FRAS1: variants seen among roughly 807,000 people sequenced by gnomAD.
FRAS1 encodes extracellular matrix organizing protein FRAS1.
FRAS1 carries 290 observed loss-of-function variants against 435.2 expected under a neutral mutation model. The ratio of observed to expected loss-of-function variants is 0.67; its 90% confidence interval spans 0.61 to 0.73. The LOEUF (loss-of-function observed/expected upper bound fraction) is 0.73. Ranked by LOEUF, FRAS1 falls within the 30% of genes least tolerant of loss-of-function variation. FRAS1 has a pLI of 0.00. For synonymous variants in FRAS1, 1,800 were observed against 1,851.0 expected, an observed-to-expected ratio of 0.97 and a Z score of 0.71; for missense variants, 4,860 against 5,001.5, an observed-to-expected ratio of 0.97 and a Z score of 0.85.
intron 64 of FRAS1, 137 bp downstream of exon 64, chr4:78,511,643 A>T (rs1721045460): frequency 5.2e-6 from 4 of 770,262 alleles, no homozygotes; most frequent in Non-Finnish European, 8.9e-6. Context: ...TAAAAGTTTA[A>T]ATCTGTGAAG....
At chr4:78,096,843 C>T (rs945370787) in intron 2 of FRAS1, among the ~76,000 whole-genome samples, 2 of 152,242 alleles carry the variant, frequency 1.3e-5, no homozygotes, top group Non-Finnish European at 2.9e-5. Flanking sequence ...GCCCTGGAGA[C>T]ATCTTCCCCA....
At chr4:78,365,575 C>A (rs1390722842) in intron 22 of FRAS1, among the ~76,000 whole-genome samples, 9 of 151,982 alleles carry the variant, frequency 5.9e-5, no homozygotes, top group Admixed American at 5.2e-4. Flanking sequence ...TGTCTTGGGG[C>A]AGGGTGGCCT....
chr4:78,193,316 T>C (rs1291512943), intron 2 of FRAS1, among the ~76,000 whole-genome samples: 7 of 152,226 alleles, frequency 4.6e-5, no homozygotes, highest in Non-Finnish European at 8.8e-5. Context: ...GTTCAATTCC[T>C]GGATATGCTT....
At chr4:78,292,212 T>G (rs532942873) in intron 14 of FRAS1, among the ~76,000 whole-genome samples, 1 of 152,332 alleles carries the variant, frequency 6.6e-6, no homozygotes, top group East Asian at 1.9e-4. Context: ...AAATAAAATC[T>G]GCTTTTATAT....
intron 2 of FRAS1, among the ~76,000 whole-genome samples, chr4:78,099,372 G>A (rs1255017457): frequency 1.3e-5 from 2 of 152,220 alleles, no homozygotes; most frequent in Non-Finnish European, 2.9e-5. Flanking sequence ...TCATTAGGGA[G>A]TGACAGCAGG....
chr4:78,154,611 T>C (rs2110015871), intron 2 of FRAS1, among the ~76,000 whole-genome samples: 2 of 152,278 alleles, frequency 1.3e-5, no homozygotes, highest in South Asian at 4.1e-4. Context: ...AAGTGTTACG[T>C]TTCTTTTTAG....
At chr4:78,520,904 G>A (rs556766369) in intron 67 of FRAS1, among the ~76,000 whole-genome samples, 1 of 152,306 alleles carries the variant, frequency 6.6e-6, no homozygotes, top group South Asian at 2.1e-4. Context: ...CTCTGGGTCA[G>A]ATAATTCCTT....
chr4:78,540,996 T>C lies in FRAS1; in HGVS notation c.11911T>C (p.Cys3971Arg). Residue 3971 changes from cysteine to arginine, a missense_variant, in exon 74 of 74, where the codon TGC (cysteine) becomes CGC (arginine). Coordinates refer to ENST00000512123, the MANE Select transcript of FRAS1 (RefSeq NM_025074.7). ...RVEKNVNRHY[C>R]TVRNVNILSE... ...GGAGAAGAACGTGAATAGACACTACTGCACTGTGCGGAACGTCAACATCCT... is the reference window on the plus strand; with the variant it reads ...GGAGAAGAACGTGAATAGACACTACCGCACTGTGCGGAACGTCAACATCCT... The C allele has an allele frequency of 6.2e-7, 1 of 1,602,934 alleles. No individual in the cohort carries two copies. The highest frequency in any genetic ancestry group is 1.7e-4 in the Middle Eastern group (1 of 6,010).
At position 78,539,393 on chromosome 4, in the gene FRAS1, A is replaced by T; in HGVS notation, c.11398A>T (p.Met3800Leu). The change falls in exon 73 of 74, where the codon ATG (methionine) becomes TTG (leucine). Residue 3800 changes from methionine (M) to leucine (L), a missense_variant. Coordinates refer to ENST00000512123, the MANE Select transcript of FRAS1 (RefSeq NM_025074.7). ...ELPDFHVVSN[M>L]PGVDGFTLKV... ...GCCTGATTTCCATGTGGTCAGTAAC[A>T]TGCCAGGTGTGGATGGATTTACTCT... 1 of 1,612,734 alleles carries T rather than the reference A, an allele frequency of 6.2e-7. No individual in the cohort carries two copies. Among genetic ancestry groups the T allele is most frequent in the Non-Finnish European group, 8.5e-7 (1 of 1,179,360 alleles).
intron 2 of FRAS1, among the ~76,000 whole-genome samples, chr4:78,220,139 A>G (rs948612601): frequency 2.6e-5 from 4 of 152,168 alleles, no homozygotes; most frequent in African/African-American, 9.7e-5. Flanking sequence ...CTGTTCCCTC[A>G]TTTATCCCTT....
chr4:78,513,736 C>T (rs17470023), intron 65 of FRAS1, among the ~76,000 whole-genome samples, 184 bp downstream of exon 65: 2 of 152,242 alleles, frequency 1.3e-5, no homozygotes, highest in East Asian at 3.9e-4. Flanking sequence ...CAGGAAGAAA[C>T]AAGGACTTTG....
chr4:78,117,720 A>G (rs1718718183), intron 2 of FRAS1, among the ~76,000 whole-genome samples: 1 of 152,274 alleles, frequency 6.6e-6, no homozygotes, highest in Non-Finnish European at 1.5e-5. Flanking sequence ...TATTCTAGTT[A>G]GCCATTCATC....
chr4:78,435,727 G>C (rs1734394990), intron 38 of FRAS1, among the ~76,000 whole-genome samples: 1 of 144,558 alleles, frequency 6.9e-6, no homozygotes, highest in Non-Finnish European at 1.5e-5. Context: ...AACAGAGTGA[G>C]ACTCTGTCTC....
intron 2 of FRAS1, among the ~76,000 whole-genome samples, chr4:78,103,558 A>T (rs2109923610): frequency 6.6e-6 from 1 of 152,274 alleles, no homozygotes; most frequent in Admixed American, 6.5e-5. Flanking sequence ...TCCCTCCAGA[A>T]TTCAGATGTT....
chr4:78,314,102 C>A (rs564024052), intron 15 of FRAS1, among the ~76,000 whole-genome samples: 1 of 150,352 alleles, frequency 6.7e-6, no homozygotes, highest in South Asian at 2.1e-4. Context: ...TTTTTTTCTT[C>A]TTCTTCTTCT....
chr4:78,511,331 G>T lies in FRAS1; in HGVS notation c.9838G>T (p.Val3280Leu). The change falls in exon 64 of 74, where the codon GTG becomes TTG. Residue 3280 changes from valine (V) to leucine (L), a missense_variant. Coordinates refer to ENST00000512123, the MANE Select transcript of FRAS1 (RefSeq NM_025074.7). ...RFHVRCVAKA[V>L]DKVGHVGTPL... ...CCATGTGCGTTGTGTGGCCAAGGCT[G>T]TGGACAAGGTGGGCCATGTGGGGAC... 1 of 1,613,164 alleles carries T rather than the reference G, an allele frequency of 6.2e-7. No individual in the cohort carries two copies. The highest frequency in any genetic ancestry group is 8.5e-7 in the Non-Finnish European group (1 of 1,179,302).
intron 59 of FRAS1, among the ~76,000 whole-genome samples, chr4:78,489,728 C>T (rs1720284549): frequency 6.6e-6 from 1 of 152,082 alleles, no homozygotes; most frequent in South Asian, 2.1e-4. Context: ...ATGAGTTCTG[C>T]TCTTATTACC....
At chr4:78,167,711 A>G (rs1198692410) in intron 2 of FRAS1, among the ~76,000 whole-genome samples, 1 of 152,038 alleles carries the variant, frequency 6.6e-6, no homozygotes, top group African/African-American at 2.4e-5. Flanking sequence ...ACCCAAGTTC[A>G]CATAGCTAGG....
chr4:78,250,115 A>G (rs1051582854), intron 4 of FRAS1, among the ~76,000 whole-genome samples: 2 of 152,112 alleles, frequency 1.3e-5, no homozygotes, highest in African/African-American at 4.8e-5. Context: ...GACTCATTAG[A>G]TATTTTAAAC....
Sources: allele counts gnomAD v4.1 joint callset (sites outside exome capture counted in the v4.1 genomes callset), GRCh38; gene constraint gnomAD v4.1.1; transcripts MANE v1.5; gene names NCBI Gene and HGNC (gene_info 2026-07-23, HGNC 2026-07-21).